The following GNA12 variants were observed in gnomAD, a reference collection of about 807,000 sequenced individuals.
The protein encoded by GNA12 is G protein subunit alpha 12.
A neutral mutation model predicts 26.0 loss-of-function variants in GNA12; 9 were observed. That is an observed-to-expected ratio of 0.35 (90% CI 0.21 to 0.60). The LOEUF (loss-of-function observed/expected upper bound fraction) is 0.60, where lower values mean the gene tolerates loss of function less well. GNA12 is among the 20% of genes least tolerant of loss of function. The pLI, the probability that GNA12 is intolerant of heterozygous loss-of-function variation, is 0.78. For missense variants in GNA12, 405 were observed against 525.8 expected (o/e 0.77, Z 2.25); for synonymous variants, 264 against 219.6 (o/e 1.20, Z -1.79).
intron 2 of GNA12, among the ~76,000 whole-genome samples, chr7:2,751,701 C>T (rs902874511): frequency 3.9e-5 from 6 of 152,226 alleles, no homozygotes; most frequent in Non-Finnish European, 7.3e-5. Context: ...CTCCGTCAAA[C>T]ATTGACAGGT....
chr7:2,740,815 C>T (rs991147176), intron 2 of GNA12, among the ~76,000 whole-genome samples: 15 of 152,120 alleles, frequency 9.9e-5, no homozygotes, highest in African/African-American at 1.9e-4. Flanking sequence ...GAGGCCGAGG[C>T]GGACGGATCA....
intron 2 of GNA12, among the ~76,000 whole-genome samples, chr7:2,773,408 A>C (rs1325265129): frequency 6.6e-6 from 1 of 152,180 alleles, no homozygotes; most frequent in Non-Finnish European, 1.5e-5. Flanking sequence ...ACTAAAATAC[A>C]AAAATTAGCC....
At chr7:2,772,732 A>G (rs1192856135) in intron 2 of GNA12, among the ~76,000 whole-genome samples, 2 of 152,152 alleles carry the variant, frequency 1.3e-5, no homozygotes, top group Non-Finnish European at 2.9e-5. Flanking sequence ...GAGACTATAA[A>G]CCAGTACGGC....
At chr7:2,750,871 A>G (rs955079979) in intron 2 of GNA12, among the ~76,000 whole-genome samples, 1 of 152,232 alleles carries the variant, frequency 6.6e-6, no homozygotes, top group Non-Finnish European at 1.5e-5. Context: ...GGGAACTGAA[A>G]TAACTGATTA....
chr7:2,842,387 C>G (rs1779023279), intron 1 of GNA12, among the ~76,000 whole-genome samples: 1 of 152,172 alleles, frequency 6.6e-6, no homozygotes, highest in African/African-American at 2.4e-5. Context: ...CAGCCTCAAC[C>G]TCCCAGGCTC....
At chr7:2,806,561 AATAC>A (rs1476559961) in intron 1 of GNA12, among the ~76,000 whole-genome samples, 1 of 152,060 alleles carries the variant, frequency 6.6e-6, no homozygotes, top group East Asian at 1.9e-4. Context: ...GAAATATAGA[AATAC>A]ATAAAGAAGA....
At chr7:2,800,607 C>T (rs751990480) in intron 1 of GNA12, among the ~76,000 whole-genome samples, 5 of 152,178 alleles carry the variant, frequency 3.3e-5, no homozygotes, top group Non-Finnish European at 5.9e-5. Context: ...CTAGCGACCA[C>T]GGCAATGTAA....
At chr7:2,770,362 T>A (rs140917403) in intron 2 of GNA12, among the ~76,000 whole-genome samples, 2 of 152,234 alleles carry the variant, frequency 1.3e-5, no homozygotes, top group Non-Finnish European at 2.9e-5. Flanking sequence ...TGAGGCTCAA[T>A]AGCCTCTAGA....
chr7:2,780,450 A>G (rs1035393426), intron 2 of GNA12, among the ~76,000 whole-genome samples: 1 of 152,182 alleles, frequency 6.6e-6, no homozygotes, highest in Non-Finnish European at 1.5e-5. Context: ...AGCAATCACA[A>G]AGGTCAACAA....
intron 2 of GNA12, among the ~76,000 whole-genome samples, chr7:2,774,494 CCT>C (rs1329091200): frequency 1.3e-5 from 2 of 152,134 alleles, no homozygotes; most frequent in East Asian, 1.9e-4. Context: ...GCTGGGAGGC[CCT>C]GAGTGTGCAG....
In GNA12 at chr7:2,730,561, C is replaced by T. The variant is rs1452780386; in HGVS notation, c.*620G>A. 6.6e-6 allele frequency: 1 copy of T among 152,488 alleles called. No individual in the cohort carries two copies. Among genetic ancestry groups the T allele is most frequent in the African/African-American group, 2.4e-5 (1 of 41,434 alleles). 9.4% of individuals were successfully genotyped at this position (152,488 alleles called of 1,614,324 possible). A position where few individuals can be genotyped will look rare whatever the true frequency, so the allele number is the denominator to read the frequency against. ...CGGCTCCTCAGCTTCATCTGAGAGG[C>T]TTGGACTAGGGGCTCTTAGGAAATC... On this transcript the variant is annotated 3_prime_UTR_variant, in exon 4 of 4. Coordinates refer to ENST00000275364, the MANE Select transcript of GNA12 (RefSeq NM_007353.3).
At chr7:2,754,781 A>C (rs1442073358) in intron 2 of GNA12, among the ~76,000 whole-genome samples, 1 of 152,140 alleles carries the variant, frequency 6.6e-6, no homozygotes, top group Non-Finnish European at 1.5e-5. Flanking sequence ...AAACATTTCA[A>C]ATTTTGATGA....
intron 2 of GNA12, among the ~76,000 whole-genome samples, chr7:2,759,012 C>T (rs542235333): frequency 6.6e-6 from 1 of 151,720 alleles, no homozygotes; most frequent in East Asian, 1.9e-4. Context: ...TGGTGGTGGG[C>T]GCCTGTAATC....
intron 1 of GNA12, among the ~76,000 whole-genome samples, chr7:2,843,351 G>A (rs1393667396): frequency 6.6e-6 from 1 of 152,044 alleles, no homozygotes; most frequent in African/African-American, 2.4e-5. Flanking sequence ...ACCCTAGAGA[G>A]GGCAGAGGCA....
At chr7:2,793,582 G>A (rs1256626156) in intron 2 of GNA12, among the ~76,000 whole-genome samples, 1 of 151,996 alleles carries the variant, frequency 6.6e-6, no homozygotes, top group African/African-American at 2.4e-5. Context: ...GGAAAAGGAT[G>A]GGTAAAAGAT....
chr7:2,822,893 G>C (rs555265967), intron 1 of GNA12, among the ~76,000 whole-genome samples: 79 of 152,240 alleles, frequency 5.2e-4, no homozygotes, highest in African/African-American at 1.7e-3. Context: ...GTCCCTAAGA[G>C]AGTCTGCTCA....
chr7:2,820,740 A>G (rs1357646807), intron 1 of GNA12, among the ~76,000 whole-genome samples: 1 of 152,140 alleles, frequency 6.6e-6, no homozygotes, highest in Non-Finnish European at 1.5e-5. Flanking sequence ...TGTGTCTTTT[A>G]AAACTTTTTA....
intron 2 of GNA12, among the ~76,000 whole-genome samples, chr7:2,786,270 G>A (rs1004497482): frequency 1.3e-5 from 2 of 152,042 alleles, no homozygotes; most frequent in South Asian, 4.2e-4. Flanking sequence ...CACACACAAG[G>A]ACTATCTGTG....
chr7:2,731,798 CAG>C lies in GNA12; in HGVS notation c.577-50_577-49del. 1.0e-6 allele frequency: 1 copy of C among 986,582 alleles called. No homozygotes were observed. Among genetic ancestry groups the C allele is most frequent in the Non-Finnish European group, 1.4e-6 (1 of 692,904 alleles). 61.1% of individuals were successfully genotyped at this position (986,582 alleles called of 1,614,324 possible). ...GAAATTTAGGGGGAGGAAGAAAGAA[CAG>C]AGAAAATAGAAACAAAAAGATGGCA... On this transcript the variant is annotated intron_variant, in intron 3 of 3. Coordinates refer to ENST00000275364, the MANE Select transcript of GNA12 (RefSeq NM_007353.3). The surrounding 1 kb of genome is among the most constrained non-coding windows in gnomAD (Gnocchi z 6.0).
Sources: gnomAD v4.1 joint callset for allele counts (sites outside exome capture counted in the v4.1 genomes callset) on GRCh38, gnomAD v4.1.1 for gene constraint, Gnocchi (gnomAD v3.1) non-coding constraint, MANE v1.5 for transcripts, NCBI Gene and HGNC (gene_info 2026-07-23, HGNC 2026-07-21) for gene names.